The following TNRC6B variants were observed in gnomAD, a reference collection of about 807,000 sequenced individuals.
TNRC6B encodes the protein trinucleotide repeat containing adaptor 6B, also known as trinucleotide repeat-containing gene 6B protein.
TNRC6B carries 52 observed loss-of-function variants against 203.6 expected under a neutral mutation model. The observed-to-expected ratio is 0.26, with a 90% CI of 0.20 to 0.32. The LOEUF (loss-of-function observed/expected upper bound fraction) is 0.32, where lower values mean the gene tolerates loss of function less well. TNRC6B is among the 10% of genes least tolerant of loss of function. The pLI, the probability that TNRC6B is intolerant of heterozygous loss-of-function variation, is 1.00. For missense variants in TNRC6B, 1,923 were observed against 2,286.2 expected (o/e 0.84, Z 3.24); for synonymous variants, 838 against 845.7 (o/e 0.99, Z 0.16).
At chr22:40,223,409 G>T (rs1354654856) in intron 1 of TNRC6B, among the ~76,000 whole-genome samples, 6 of 151,970 alleles carry the variant, frequency 3.9e-5, no homozygotes, top group Non-Finnish European at 7.4e-5. Flanking sequence ...AAAGTGCTGG[G>T]ATTACAGGCG....
In TNRC6B at chr22:40,196,705, A is replaced by T. The variant is rs188520357; in HGVS notation, c.5+18565A>T. ...TCCCTTTGTTTGGGTCGGGGCAGTG[A>T]TAGGGCAGATGTGGTTCAGGCTCGC... On this transcript the variant is annotated intron_variant, in intron 1 of 22. Coordinates refer to ENST00000454349, the MANE Select transcript of TNRC6B (RefSeq NM_001162501.2). 2.3e-3 allele frequency among the ~76,000 whole-genome samples: 351 copies of T among 151,918 alleles called. 2 individuals carry two copies. The highest frequency in any genetic ancestry group is 0.014 in the Middle Eastern group (4 of 294).
chr22:40,328,854 T>C lies in TNRC6B; in HGVS notation c.*5613T>C, dbSNP rs2071432312. ...ATTCAACATTTAAAGCTTTATCGGT[T>C]ATTGTTTTAGATTTGAGATTTTTGT... On this transcript the variant is annotated 3_prime_UTR_variant, in exon 23 of 23. Coordinates refer to ENST00000454349, the MANE Select transcript of TNRC6B (RefSeq NM_001162501.2). The C allele has an allele frequency of 6.6e-6, 1 of 152,478 alleles. No individual in the cohort carries two copies. Among genetic ancestry groups the C allele is most frequent in the South Asian group, 2.1e-4 (1 of 4,830 alleles). 9.4% of individuals were successfully genotyped at this position (152,478 alleles called of 1,614,324 possible). A position where few individuals can be genotyped will look rare whatever the true frequency, so the allele number is the denominator to read the frequency against.
chr22:40,286,194 T>A (rs1229916428), intron 12 of TNRC6B, among the ~76,000 whole-genome samples: 4 of 152,186 alleles, frequency 2.6e-5, no homozygotes, highest in Non-Finnish European at 5.9e-5. Context: ...GAATTCAGCC[T>A]GGCACAGTGG....
intron 5 of TNRC6B, among the ~76,000 whole-genome samples, chr22:40,267,954 C>T (rs796607737): frequency 6.6e-6 from 1 of 152,104 alleles, no homozygotes; most frequent in African/African-American, 2.4e-5. Flanking sequence ...AAACATCATA[C>T]CTGGTAAAAG....
At chr22:40,056,797 CAAAAAAAAA>C in intron 1 of TNRC6B, among the ~76,000 whole-genome samples, 1 of 91,958 alleles carries the variant, frequency 1.1e-5, no homozygotes, top group East Asian at 4.6e-4. Flanking sequence ...CACCCTGTCT[CAAAAAAAAA>C]AAAAAAAAGA....
chr22:40,142,668 A>T (rs972463336), intron 3 of TNRC6B, among the ~76,000 whole-genome samples: 2 of 152,148 alleles, frequency 1.3e-5, no homozygotes, highest in Non-Finnish European at 2.9e-5. Flanking sequence ...AAAATATGTT[A>T]TCAGTTAAAA....
chr22:40,096,503 T>C, intron 1 of TNRC6B, among the ~76,000 whole-genome samples: 1 of 152,142 alleles, frequency 6.6e-6, no homozygotes, highest in Middle Eastern at 3.2e-3. Context: ...AGTCTGGGCT[T>C]GTGAGATGAA....
intron 1 of TNRC6B, among the ~76,000 whole-genome samples, chr22:40,207,037 C>G (rs2069487737): frequency 6.6e-6 from 1 of 152,158 alleles, no homozygotes; most frequent in Admixed American, 6.5e-5. Context: ...TTCCTAGCCT[C>G]TGGTTGCTGG....
intron 1 of TNRC6B, among the ~76,000 whole-genome samples, chr22:40,240,007 A>G (rs1432167381): frequency 1.3e-5 from 2 of 151,436 alleles, no homozygotes; most frequent in Non-Finnish European, 2.9e-5. Flanking sequence ...ATTTTTTTGT[A>G]TTTTTAGTAG....
chr22:40,202,127 GAAT>G (rs1392714410), intron 1 of TNRC6B, among the ~76,000 whole-genome samples: 1 of 152,044 alleles, frequency 6.6e-6, no homozygotes, highest in Non-Finnish European at 1.5e-5. Context: ...TCAGAGAAAG[GAAT>G]AATATTAATT....
rs187317801 is a variant in TNRC6B at position 40,070,988 on chromosome 22, A to G, written c.-121+25990A>G. ...AAATTCCCATCAGGTTTCACCACCA[A>G]TGAATTCCAGAAAAGTTTTGGTTTT... On this transcript the variant is annotated intron_variant, in intron 1 of 23. Transcript: ENST00000301923. Among the ~76,000 whole-genome samples, 14 of 152,320 alleles carry G rather than the reference A, an allele frequency of 9.2e-5. 1 individual carries two copies. The East Asian group carries it at 2.7e-3, about 29-fold the overall frequency.
At chr22:40,285,579 G>A in intron 11 of TNRC6B, 66 bp from the exon 12 acceptor site, 1 of 1,567,394 alleles carries the variant, frequency 6.4e-7, no homozygotes, top group Non-Finnish European at 8.7e-7. Flanking sequence ...TAAAAGACCA[G>A]AACTGTTTCT....
At chr22:40,139,063 C>A (rs1408603123) in intron 3 of TNRC6B, among the ~76,000 whole-genome samples, 1 of 152,110 alleles carries the variant, frequency 6.6e-6, no homozygotes, top group African/African-American at 2.4e-5. Context: ...TGTCATTACT[C>A]CAAAAAGAAA....
chr22:40,197,218 G>T (rs963735312), intron 1 of TNRC6B, among the ~76,000 whole-genome samples: 28 of 152,108 alleles, frequency 1.8e-4, no homozygotes, highest in African/African-American at 6.8e-4. Context: ...GAATGAGACT[G>T]TGCTGATCGT....
intron 3 of TNRC6B, among the ~76,000 whole-genome samples, chr22:40,147,481 G>A (rs182783597): frequency 6.6e-6 from 1 of 152,252 alleles, no homozygotes; most frequent in East Asian, 1.9e-4. Context: ...TCTAGAGGCC[G>A]CGAATAACAA....
chr22:40,321,282 G>T, intron 22 of TNRC6B, 53 bp downstream of exon 22: 1 of 1,588,950 alleles, frequency 6.3e-7, no homozygotes, highest in South Asian at 1.1e-5. Flanking sequence ...AGATGCACCC[G>T]TGAGTATTCT....
intron 1 of TNRC6B, among the ~76,000 whole-genome samples, chr22:40,187,602 G>A (rs1006500379): frequency 2.0e-5 from 3 of 152,134 alleles, no homozygotes; most frequent in Non-Finnish European, 4.4e-5. Flanking sequence ...TTCAGGTGGG[G>A]GGATGAAGTT....
intron 1 of TNRC6B, among the ~76,000 whole-genome samples, chr22:40,075,355 A>C (rs1569251741): frequency 6.6e-6 from 1 of 151,348 alleles, no homozygotes; most frequent in Non-Finnish European, 1.5e-5. Context: ...TGTCTTCTCA[A>C]TGAATTTAGC....
chr22:40,310,560 A>T (rs1281140399), intron 16 of TNRC6B, among the ~76,000 whole-genome samples: 1 of 152,204 alleles, frequency 6.6e-6, no homozygotes, highest in African/African-American at 2.4e-5. Flanking sequence ...TTTAAAACTG[A>T]AAGGAACATT....
Sources: allele counts gnomAD v4.1 joint callset (sites outside exome capture counted in the v4.1 genomes callset), GRCh38; gene constraint gnomAD v4.1.1; transcripts MANE v1.5; gene names NCBI Gene and HGNC (gene_info 2026-07-23, HGNC 2026-07-21).